Variants in SCUBE2 observed in about 807,000 individuals in gnomAD.
SCUBE2 encodes signal peptide, CUB domain and EGF like domain containing 2.
A neutral mutation model predicts 125.9 loss-of-function variants in SCUBE2; 114 were observed. That is an observed-to-expected ratio of 0.91 (90% CI 0.78 to 1.06). SCUBE2 has a LOEUF of 1.06. Among genes scored for constraint, SCUBE2 ranks in the 50% least tolerant of loss-of-function variants. SCUBE2 has a pLI of 0.00. For synonymous variants in SCUBE2, 459 were observed against 492.9 expected (o/e 0.93, Z 0.91); for missense variants, 1,255 against 1,301.8 (o/e 0.96, Z 0.55).
At chr11:9,031,906 C>G (rs1324174090) in intron 17 of SCUBE2, among the ~76,000 whole-genome samples, 2 of 152,132 alleles carry the variant, frequency 1.3e-5, no homozygotes. Context: ...AGAACACACA[C>G]CATTGGGAGG....
chr11:9,067,369 G>T (rs1461473423), intron 5 of SCUBE2, among the ~76,000 whole-genome samples: 1 of 152,140 alleles, frequency 6.6e-6, no homozygotes, highest in Non-Finnish European at 1.5e-5. Context: ...ATTGATGATA[G>T]GCCAAAAAGA....
chr11:9,030,449 C>G (rs1856207443), intron 18 of SCUBE2: 1 of 422,446 alleles, frequency 2.4e-6, no homozygotes, highest in Non-Finnish European at 4.3e-6. Context: ...GGGGGAAGCT[C>G]TAGGTCAGGG....
Position 9,052,791 on chromosome 11 carries a change from G to A in SCUBE2, c.1489C>T (p.Pro497Ser), listed in dbSNP as rs771302359. The A allele has an allele frequency of 2.0e-6, 3 of 1,537,208 alleles. No homozygotes were observed. Among genetic ancestry groups the A allele is most frequent in the Admixed American group, 2.0e-5 (1 of 51,008 alleles). ...GATTTTTGTTGTTTGTTCCTGAGAG[G>A]AGAGGAAGAGCCACAGGTGACAGAG... ...AYSVTCGSSS[P>S]LRNKQQKSND... is the part of the protein sequence containing the mutation. Residue 497 changes from proline to serine, a missense_variant, in exon 13 of 23, where the codon CCT (proline) becomes TCT (serine). Physicochemically the swap from Pro to Ser is moderately conservative, Grantham distance 74 (BLOSUM62 -1). This residue lies in a region of SCUBE2 where 378 missense variants were observed against 463.1 expected (regional missense o/e 0.82). Coordinates refer to ENST00000649792, the MANE Select transcript of SCUBE2 (RefSeq NM_001367977.2).
intron 2 of SCUBE2, among the ~76,000 whole-genome samples, chr11:9,084,616 T>A (rs985649955): frequency 6.6e-6 from 1 of 152,198 alleles, no homozygotes; most frequent in South Asian, 2.1e-4. Context: ...TCATCAAGAA[T>A]GGGACATGTT....
intron 18 of SCUBE2, chr11:9,030,373 G>C: frequency 2.4e-6 from 1 of 420,652 alleles, no homozygotes. Flanking sequence ...CAGAACTGAG[G>C]TTGGGTTTAG....
chr11:9,066,837 A>G (rs538823294), intron 5 of SCUBE2, 24 bp from the exon 6 acceptor site: 2 of 1,558,676 alleles, frequency 1.3e-6, no homozygotes, highest in Admixed American at 1.7e-5. Flanking sequence ...GAATCAATAC[A>G]TAAAGCACTG....
At chr11:9,025,995 G>T (rs1171491306) in intron 20 of SCUBE2, 141 bp from the exon 21 acceptor site, 4 of 834,102 alleles carry the variant, frequency 4.8e-6, no homozygotes, top group Non-Finnish European at 7.3e-6. Flanking sequence ...GCCATCATAA[G>T]TCAAAGGTCC....
chr11:9,023,868 AG>A (rs1438067888), intron 21 of SCUBE2, among the ~76,000 whole-genome samples: 1 of 152,222 alleles, frequency 6.6e-6, no homozygotes, highest in African/African-American at 2.4e-5. Flanking sequence ...AATGTGTGTT[AG>A]CCCCAGCTAC....
At chr11:9,021,491 C>G (rs1855289303) in intron 22 of SCUBE2, among the ~76,000 whole-genome samples, 1 of 152,124 alleles carries the variant, frequency 6.6e-6, no homozygotes, top group African/African-American at 2.4e-5. Flanking sequence ...ATTAGTGATA[C>G]CACAAGTGTT....
At chr11:9,025,520 C>A in intron 21 of SCUBE2, 182 bp downstream of exon 21, 1 of 593,038 alleles carries the variant, frequency 1.7e-6, no homozygotes. Flanking sequence ...ATCTTTTCCT[C>A]CTATTGTCAG....
chr11:9,054,708 T>TATATATATATATATATATATATATAG (rs1858840301), intron 10 of SCUBE2, among the ~76,000 whole-genome samples: 5 of 68,218 alleles, frequency 7.3e-5, no homozygotes, highest in Non-Finnish European at 1.4e-4. Context: ...AGTGTATATA[T>TATATATATATATATATATATATATAG]ATATATATAT....
intron 2 of SCUBE2, among the ~76,000 whole-genome samples, chr11:9,084,157 T>A (rs1317116754): frequency 6.6e-6 from 1 of 152,156 alleles, no homozygotes; most frequent in East Asian, 1.9e-4. Context: ...ACCAGAAAGT[T>A]AGGAAGTCCT....
At chr11:9,076,956 C>A (rs1009984984) in intron 3 of SCUBE2, among the ~76,000 whole-genome samples, 1 of 152,238 alleles carries the variant, frequency 6.6e-6, no homozygotes, top group African/African-American at 2.4e-5. Flanking sequence ...TCTCCCTGAA[C>A]ACCAACTCCT....
At position 9,027,450 on chromosome 11, in the gene SCUBE2, G is replaced by A. The variant is rs3751059; in HGVS notation, c.2615C>T (p.Pro872Leu). 8 of 1,613,964 alleles carry A rather than the reference G, an allele frequency of 5.0e-6. No homozygotes were observed. The highest frequency in any genetic ancestry group is 1.6e-4 in the Middle Eastern group (1 of 6,084). ...GACCACGATCAGGATGCGGCGCTTG[G>A]GGGGTGGGTTGATGGTCCACGTACA... ...TECTWTINPP[P>L]KRRILIVVPE... The change falls in exon 20 of 23, where the codon CCC becomes CTC. Residue 872 changes from proline (P) to leucine (L), a missense_variant. Physicochemically the swap from Pro to Leu is moderately conservative, Grantham distance 98. Coordinates refer to ENST00000649792, the MANE Select transcript of SCUBE2 (RefSeq NM_001367977.2).
At chr11:9,041,433 C>T (rs972940037) in intron 16 of SCUBE2, among the ~76,000 whole-genome samples, 1 of 152,026 alleles carries the variant, frequency 6.6e-6, no homozygotes, top group African/African-American at 2.4e-5. Flanking sequence ...CTAGGATAAT[C>T]AGAAAGTAGG....
At chr11:9,027,655 AC>A (rs1474356346) in intron 19 of SCUBE2, 94 bp from the exon 20 acceptor site, 1 of 1,060,680 alleles carries the variant, frequency 9.4e-7, no homozygotes, top group Non-Finnish European at 1.4e-6. Context: ...CCCTGTTGCC[AC>A]CCAGGAATGG....
In SCUBE2 at chr11:9,059,159, G is replaced by T. The variant is rs150288075; in HGVS notation, c.1090+144C>A. 3.8e-4 allele frequency: 350 copies of T among 922,608 alleles called. 1 individual carries two copies. The African/African-American group carries it at 4.9e-3, about 13-fold the overall frequency. 57.2% of individuals were successfully genotyped at this position (922,608 alleles called of 1,614,324 possible). On this transcript the variant is annotated intron_variant, in intron 9 of 22. Coordinates refer to ENST00000649792, the MANE Select transcript of SCUBE2 (RefSeq NM_001367977.2). ...AGTGTTTTTATTTTACCTAATAGAT[G>T]AAATGAGTGAAGCCTAGGAAGGAGA...
In SCUBE2 at chr11:9,020,359, A is replaced by C. The variant is rs1481286618; in HGVS notation, c.*686T>G. On this transcript the variant is annotated 3_prime_UTR_variant, in exon 23 of 23. Coordinates refer to ENST00000649792, the MANE Select transcript of SCUBE2 (RefSeq NM_001367977.2). ...TGCTGCAGGGTGGAAGCTTGCAACG[A>C]GGAAGGCTGGCAATAAATGTACATT... 2.0e-5 allele frequency: 3 copies of C among 152,294 alleles called. No homozygotes were observed. Among genetic ancestry groups the C allele is most frequent in the Admixed American group, 6.5e-5 (1 of 15,288 alleles). The allele number at this position is 152,294 out of a possible 1,614,324, so 9.4% of individuals were successfully genotyped here.
At chr11:9,047,235 C>A in intron 16 of SCUBE2, 121 bp downstream of exon 16, 1 of 969,702 alleles carries the variant, frequency 1.0e-6, no homozygotes, top group Non-Finnish European at 1.6e-6. Context: ...GAAGCACTGC[C>A]CGGAGTGTTC....
Sources: allele counts gnomAD v4.1 joint callset (sites outside exome capture counted in the v4.1 genomes callset), GRCh38; gene constraint gnomAD v4.1.1; regional missense constraint gnomAD v4.1.1; transcripts MANE v1.5; gene names NCBI Gene and HGNC (gene_info 2026-07-23, HGNC 2026-07-21).